Variants in AAK1 observed in about 807,000 individuals in gnomAD.
AAK1 encodes the protein AP2 associated kinase 1, also known as AP2-associated protein kinase 1.
In AAK1, 37 loss-of-function variants were observed where a neutral mutation model predicts 116.0. The ratio of observed to expected loss-of-function variants is 0.32; its 90% CI spans 0.25 to 0.42. The LOEUF (loss-of-function observed/expected upper bound fraction) is 0.42. AAK1 is among the 10% of genes least tolerant of loss of function. The probability of loss-of-function intolerance (pLI) is 1.00; values close to 1 mark genes in which losing one functional copy is unlikely to be tolerated. For synonymous variants in AAK1, 458 were observed against 439.9 expected, an observed-to-expected ratio of 1.04 and a Z score of -0.51; for missense variants, 919 against 1,170.6, an observed-to-expected ratio of 0.79 and a Z score of 3.14.
At chr2:69,633,398 C>T (rs762263245) in intron 2 of AAK1, among the ~76,000 whole-genome samples, 5 of 151,578 alleles carry the variant, frequency 3.3e-5, no homozygotes, top group Non-Finnish European at 5.9e-5. Flanking sequence ...GTCAGGAGAT[C>T]GAGACCATCC....
intron 17 of AAK1, among the ~76,000 whole-genome samples, chr2:69,492,818 C>T (rs1675583411): frequency 6.6e-6 from 1 of 152,008 alleles, no homozygotes. Context: ...GCTACCACGC[C>T]CAGCCTTTCA....
At chr2:69,520,358 C>CTTTTTT (rs71397334) in intron 11 of AAK1, among the ~76,000 whole-genome samples, 8 of 127,404 alleles carry the variant, frequency 6.3e-5, no homozygotes, top group African/African-American at 1.5e-4. Flanking sequence ...CAATTCTTTT[C>CTTTTTT]TTTTTTTTTT....
chr2:69,615,030 T>A (rs988501646), intron 2 of AAK1, among the ~76,000 whole-genome samples: 2 of 152,186 alleles, frequency 1.3e-5, no homozygotes, highest in South Asian at 4.1e-4. Flanking sequence ...GCCACCCAGT[T>A]TGTGGTCATT....
intron 2 of AAK1, among the ~76,000 whole-genome samples, chr2:69,642,108 G>A (rs1675756555): frequency 6.6e-6 from 1 of 152,058 alleles, no homozygotes. Flanking sequence ...TAGACACACA[G>A]ATGAAACACA....
intron 2 of AAK1, among the ~76,000 whole-genome samples, chr2:69,620,247 A>G (rs1340279535): frequency 4.6e-5 from 7 of 152,310 alleles, no homozygotes; most frequent in South Asian, 2.1e-4. Context: ...CTGAGTATCT[A>G]AAAGAATGGA....
Position 69,600,290 on chromosome 2 carries a change from G to GTT in AAK1, c.163+42586_163+42587dup, listed in dbSNP as rs55852032. Among the ~76,000 whole-genome samples, 426 of 133,498 alleles carry GTT rather than the reference G, an allele frequency of 3.2e-3. 2 individuals carry two copies. The highest frequency in any genetic ancestry group is 9.5e-3 in the African/African-American group (344 of 36,326). 87.6% of individuals were successfully genotyped at this position (133,498 alleles called of 152,430 possible). ...CAAGTTGCATTCTTAATCTGTCTCA[G>GTT]TTTTTTTTTTTTTTTTGCACTAACA... On this transcript the variant is annotated intron_variant, in intron 2 of 21. Transcript: ENST00000409085.
chr2:69,546,557 T>A (rs1016966265), intron 3 of AAK1, among the ~76,000 whole-genome samples: 1 of 152,202 alleles, frequency 6.6e-6, no homozygotes, highest in Admixed American at 6.5e-5. Flanking sequence ...TCCCTACATT[T>A]AACTATTTGA....
In AAK1 at chr2:69,468,888, C is replaced by A. The variant is rs1175190999; in HGVS notation, c.*6981G>T. 1 of 985,106 alleles carries A rather than the reference C, an allele frequency of 1.0e-6. No individual in the cohort carries two copies. Among genetic ancestry groups the A allele is most frequent in the East Asian group, 1.1e-4 (1 of 8,828 alleles). The allele number at this position is 985,106 out of a possible 1,614,324, so 61.0% of individuals were successfully genotyped here. A position where few individuals can be genotyped will look rare whatever the true frequency, so the allele number is the denominator to read the frequency against. On this transcript the variant is annotated 3_prime_UTR_variant, in exon 22 of 22. Transcript: ENST00000409085. ...TTGGTCGAGAACCCATTTGGAAAACCTTCCAACTCAGAGCATATTCTATGA... is the reference window on the plus strand; with the variant it reads ...TTGGTCGAGAACCCATTTGGAAAACATTCCAACTCAGAGCATATTCTATGA...
chr2:69,640,345 C>A (rs959144879), intron 2 of AAK1, among the ~76,000 whole-genome samples: 25 of 152,088 alleles, frequency 1.6e-4, no homozygotes, highest in African/African-American at 6.0e-4. Context: ...CTTTGAGAAC[C>A]ACTGCCACAG....
chr2:69,535,610 C>T (rs1034504000), intron 5 of AAK1, among the ~76,000 whole-genome samples: 2 of 151,972 alleles, frequency 1.3e-5, no homozygotes, highest in South Asian at 4.2e-4. Context: ...GAAGGTCTCT[C>T]CAAGGGGAAC....
chr2:69,642,595 G>T (rs981462937), intron 2 of AAK1, among the ~76,000 whole-genome samples: 1 of 151,602 alleles, frequency 6.6e-6, no homozygotes, highest in South Asian at 2.1e-4. Context: ...TCACACATAC[G>T]TTTTCTTGTG....
chr2:69,500,698 T>TATATATATATATGTATATATATAC, intron 16 of AAK1, among the ~76,000 whole-genome samples: 6 of 65,098 alleles, frequency 9.2e-5, no homozygotes, highest in African/African-American at 4.7e-4. Context: ...TATATATATA[T>TATATATATATATGTATATATATAC]ACACACACAC....
chr2:69,504,094 T>C (rs371270040), intron 16 of AAK1, among the ~76,000 whole-genome samples: 1 of 151,918 alleles, frequency 6.6e-6, no homozygotes, highest in East Asian at 1.9e-4. Context: ...CTTCAAAATA[T>C]GACTATAAAG....
chr2:69,575,978 A>G (rs1448862003), intron 2 of AAK1, among the ~76,000 whole-genome samples: 1 of 152,136 alleles, frequency 6.6e-6, no homozygotes, highest in African/African-American at 2.4e-5. Flanking sequence ...AAATGTTTTC[A>G]CCCTTCCATC....
At position 69,461,073 on chromosome 2, in the gene AAK1, A is replaced by G. The variant is rs1674328740; in HGVS notation, c.*14796T>C. 6.6e-6 allele frequency: 1 copy of G among 152,262 alleles called. No homozygotes were observed. The highest frequency in any genetic ancestry group is 1.5e-5 in the Non-Finnish European group (1 of 68,036). The allele number at this position is 152,262 out of a possible 1,614,324, so 9.4% of individuals were successfully genotyped here. A position where few individuals can be genotyped will look rare whatever the true frequency, so the allele number is the denominator to read the frequency against. On this transcript the variant is annotated 3_prime_UTR_variant, in exon 22 of 22. Coordinates refer to ENST00000409085, the MANE Select transcript of AAK1 (RefSeq NM_014911.5). Reference sequence around the variant, plus strand: ...GTGCTGCATAAAAACGATTCCATCAATGATGGACCACATATACCATGATGG... The same window carrying G: ...GTGCTGCATAAAAACGATTCCATCAGTGATGGACCACATATACCATGATGG...
At chr2:69,630,494 A>G (rs1323811408) in intron 2 of AAK1, among the ~76,000 whole-genome samples, 3 of 152,180 alleles carry the variant, frequency 2.0e-5, no homozygotes, top group African/African-American at 7.2e-5. Flanking sequence ...AAGAGTTACC[A>G]TTTACAAACT....
rs1220180833 is a variant in AAK1 at position 69,474,100 on chromosome 2, C to G, written c.*1769G>C. 2.0e-6 allele frequency: 2 copies of G among 985,736 alleles called. No homozygotes were observed. The highest frequency in any genetic ancestry group is 2.4e-6 in the Non-Finnish European group (2 of 829,952). The allele number at this position is 985,736 out of a possible 1,614,324, so 61.1% of individuals were successfully genotyped here. Reference sequence around the variant, plus strand: ...GAAGATTCAGACTTTTCCTCCAATGCCTTTCAAAGGCTACTCGCACATTCC... The same window carrying G: ...GAAGATTCAGACTTTTCCTCCAATGGCTTTCAAAGGCTACTCGCACATTCC... On this transcript the variant is annotated 3_prime_UTR_variant, in exon 22 of 22. Transcript: ENST00000409085.
intron 2 of AAK1, among the ~76,000 whole-genome samples, chr2:69,574,795 C>A (rs993978119): frequency 6.6e-6 from 1 of 151,754 alleles, no homozygotes; most frequent in African/African-American, 2.4e-5. Context: ...CATAGCAAGA[C>A]CTCATCTCTA....
rs369164674 is a variant in AAK1 at position 69,514,769 on chromosome 2, A to G, written c.1498-20T>C. ...CTGAAACTGAGCAAGAAATGAGGAG[A>G]TGAATAAGGGCCTGTCCCAGAATAA... On this transcript the variant is annotated intron_variant, in intron 12 of 21. Coordinates refer to ENST00000409085, the MANE Select transcript of AAK1 (RefSeq NM_014911.5). The G allele has an allele frequency of 1.3e-6, 2 of 1,556,546 alleles. No homozygotes were observed. Among genetic ancestry groups the G allele is most frequent in the Non-Finnish European group, 1.7e-6 (2 of 1,150,056 alleles).
Sources: allele counts gnomAD v4.1 joint callset (sites outside exome capture counted in the v4.1 genomes callset), GRCh38; gene constraint gnomAD v4.1.1; transcripts MANE v1.5; gene names NCBI Gene and HGNC (gene_info 2026-07-23, HGNC 2026-07-21).